LAMA1: variants seen among roughly 807,000 people sequenced by gnomAD.
LAMA1 encodes the protein laminin subunit alpha-1.
LAMA1 carries 219 observed loss-of-function variants against 348.7 expected under a neutral mutation model. The observed-to-expected ratio is 0.63, with a 90% CI of 0.56 to 0.70. The LOEUF is 0.70. LAMA1 is among the 30% of genes least tolerant of loss of function. LAMA1 has a pLI of 0.00. For synonymous variants in LAMA1, 1,487 were observed against 1,491.0 expected, an observed-to-expected ratio of 1.00 and a Z score of 0.06; for missense variants, 3,744 against 3,888.0, an observed-to-expected ratio of 0.96 and a Z score of 0.99.
Position 6,966,153 on chromosome 18 carries a change from G to C in LAMA1, c.7044C>G (p.Tyr2348Ter), listed in dbSNP as rs550354848. 1 of 1,613,958 alleles carries C rather than the reference G, an allele frequency of 6.2e-7. No homozygotes were observed. The highest frequency in any genetic ancestry group is 8.5e-7 in the Non-Finnish European group (1 of 1,179,994). Residue 2348 changes from tyrosine to a stop codon, truncating the protein, a stop_gained, in exon 49 of 63, where the codon TAC becomes TAG. Transcript: ENST00000389658. LOFTEE classifies it high-confidence loss of function. ...PNGLLLYLGSYGTKDFLSIEL... is the reference protein window; with the variant it reads ...PNGLLLYLGS ...GCCGCACAAACACTCTTACTGTGCCGTATGAACCCAGGTAGAGAAGAAGTC... is the reference window on the plus strand; with the variant it reads ...GCCGCACAAACACTCTTACTGTGCCCTATGAACCCAGGTAGAGAAGAAGTC...
At chr18:7,094,341 C>A (rs960205489) in intron 1 of LAMA1, among the ~76,000 whole-genome samples, 1 of 150,204 alleles carries the variant, frequency 6.7e-6, no homozygotes, top group Non-Finnish European at 1.5e-5. Context: ...GGAGAATGGC[C>A]TGAACCCAGG....
chr18:7,093,008 C>T (rs571516823), intron 1 of LAMA1, among the ~76,000 whole-genome samples: 1 of 152,118 alleles, frequency 6.6e-6, no homozygotes, highest in African/African-American at 2.4e-5. Flanking sequence ...TTAAAAAGGA[C>T]GCAAGCAACA....
chr18:7,006,567 G>C (rs965987954), intron 29 of LAMA1, among the ~76,000 whole-genome samples: 1 of 152,150 alleles, frequency 6.6e-6, no homozygotes, highest in Non-Finnish European at 1.5e-5. Flanking sequence ...ATCACTTAAA[G>C]ATGGGGATAC....
chr18:6,969,146 T>C (rs560638899), intron 48 of LAMA1, among the ~76,000 whole-genome samples: 1 of 152,150 alleles, frequency 6.6e-6, no homozygotes, highest in African/African-American at 2.4e-5. Context: ...AGATGCACTT[T>C]TTTTTTTTTG....
chr18:6,969,133 T>C (rs749089283), intron 48 of LAMA1, among the ~76,000 whole-genome samples: 1 of 151,402 alleles, frequency 6.6e-6, no homozygotes, highest in African/African-American at 2.4e-5. Flanking sequence ...CAGATGCAAC[T>C]CCAGATGCAC....
chr18:7,079,642 T>C (rs1334635215), intron 3 of LAMA1: 9 of 390,502 alleles, frequency 2.3e-5, no homozygotes, highest in Non-Finnish European at 4.3e-5. Context: ...ACATGTGTTT[T>C]CCCCCTCTCC....
chr18:7,039,207 A>T (rs1184903822), intron 10 of LAMA1, among the ~76,000 whole-genome samples: 1 of 152,008 alleles, frequency 6.6e-6, no homozygotes, highest in African/African-American at 2.4e-5. Flanking sequence ...TTTTGTTTTA[A>T]ATTTTTCATT....
chr18:7,098,040 G>A (rs1264103961), intron 1 of LAMA1, among the ~76,000 whole-genome samples: 4 of 150,376 alleles, frequency 2.7e-5, no homozygotes, highest in Admixed American at 6.6e-5. Flanking sequence ...TGGTGGAGAC[G>A]GGGTTTCGCT....
At chr18:7,095,990 C>T (rs2058259515) in intron 1 of LAMA1, among the ~76,000 whole-genome samples, 1 of 152,240 alleles carries the variant, frequency 6.6e-6, no homozygotes, top group African/African-American at 2.4e-5. Flanking sequence ...ATCGCTTGAA[C>T]CTAGGAGGCG....
intron 3 of LAMA1, among the ~76,000 whole-genome samples, chr18:7,070,869 T>A (rs2058142970): frequency 1.5e-5 from 2 of 133,786 alleles, no homozygotes; most frequent in South Asian, 2.4e-4. Context: ...TTAAGGAAAA[T>A]AGGAGATAAC....
intron 19 of LAMA1, among the ~76,000 whole-genome samples, chr18:7,020,409 G>A (rs1038557021): frequency 6.6e-6 from 1 of 152,116 alleles, no homozygotes; most frequent in Non-Finnish European, 1.5e-5. Context: ...ACACAACACC[G>A]GCACTTGCAC....
intron 25 of LAMA1, 124 bp downstream of exon 25, chr18:7,011,176 C>G: frequency 9.0e-7 from 1 of 1,112,796 alleles, no homozygotes; most frequent in East Asian, 2.6e-5. Context: ...TCTGATCCCA[C>G]TTAAAAGAGG....
At chr18:7,083,018 A>T (rs1342781310) in intron 1 of LAMA1, among the ~76,000 whole-genome samples, 1 of 151,980 alleles carries the variant, frequency 6.6e-6, no homozygotes, top group East Asian at 1.9e-4. Context: ...GGCACCACAC[A>T]CTGTGTATGC....
At chr18:7,002,080 T>C (rs1369354197) in intron 30 of LAMA1, among the ~76,000 whole-genome samples, 184 bp downstream of exon 30, 1 of 152,258 alleles carries the variant, frequency 6.6e-6, no homozygotes. Context: ...AAACAGATAC[T>C]TTGCTTTTGA....
intron 1 of LAMA1, among the ~76,000 whole-genome samples, chr18:7,099,339 G>A (rs937219444): frequency 9.8e-4 from 148 of 151,532 alleles, no homozygotes; most frequent in African/African-American, 3.4e-3. Flanking sequence ...GCGGAAGGCC[G>A]CAGGGTCCTC....
intron 10 of LAMA1, 132 bp from the exon 11 acceptor site, chr18:7,039,082 C>T (rs555865395): frequency 1.3e-6 from 1 of 779,456 alleles, no homozygotes; most frequent in African/African-American, 1.7e-5. Context: ...AAAGGTGAGG[C>T]CTCATAAAGT....
At chr18:7,023,409 T>C (rs768974013) in intron 18 of LAMA1, 34 bp from the exon 19 acceptor site, 19 of 1,581,406 alleles carry the variant, frequency 1.2e-5, no homozygotes, top group Middle Eastern at 1.7e-4. Flanking sequence ...ATCAGACAAA[T>C]GCAGTTACTT....
chr18:7,034,442 C>A, intron 14 of LAMA1, 37 bp downstream of exon 14: 1 of 1,467,582 alleles, frequency 6.8e-7, no homozygotes, highest in Non-Finnish European at 9.5e-7. Flanking sequence ...ATGGAAGTAC[C>A]TTCACCGTAA....
chr18:6,963,355 G>C (rs2057617391), intron 51 of LAMA1, among the ~76,000 whole-genome samples: 1 of 152,292 alleles, frequency 6.6e-6, no homozygotes, highest in Admixed American at 6.5e-5. Flanking sequence ...ATCTGGGATG[G>C]GATCTGGAGA....
Sources: allele counts gnomAD v4.1 joint callset (sites outside exome capture counted in the v4.1 genomes callset), GRCh38; gene constraint gnomAD v4.1.1; transcripts MANE v1.5; gene names NCBI Gene and HGNC (gene_info 2026-07-23, HGNC 2026-07-21).